The following CSMD1 variants were observed in gnomAD, a reference collection of about 807,000 sequenced individuals.
The protein encoded by CSMD1 is CUB and sushi domain-containing protein 1.
A neutral mutation model predicts 417.5 loss-of-function variants in CSMD1; 213 were observed. The ratio of observed to expected loss-of-function variants is 0.51; its 90% CI spans 0.46 to 0.57. The LOEUF (loss-of-function observed/expected upper bound fraction) is 0.57, where lower values mean the gene tolerates loss of function less well. Ranked by LOEUF, CSMD1 falls within the 20% of genes least tolerant of loss-of-function variation. The pLI is 0.00. For synonymous variants in CSMD1, 2,862 were observed against 1,736.8 expected (o/e 1.65, Z -16.11); for missense variants, 6,923 against 4,529.7 (o/e 1.53, Z -15.17).
At chr8:3,683,316 A>C (rs115614378) in intron 7 of CSMD1, among the ~76,000 whole-genome samples, 2,472 of 152,260 alleles carry the variant, frequency 0.016, 61 homozygotes, top group African/African-American at 0.056. Flanking sequence ...GTCAAGGCAA[A>C]GTTCTTTCAT....
intron 3 of CSMD1, among the ~76,000 whole-genome samples, chr8:4,270,209 A>G (rs1804497919): frequency 6.6e-6 from 1 of 152,192 alleles, no homozygotes; most frequent in Non-Finnish European, 1.5e-5. Context: ...CGTGTTTCCT[A>G]CGGTGCAAAT....
chr8:3,646,255 C>T (rs1276593400), intron 7 of CSMD1, among the ~76,000 whole-genome samples: 4 of 152,040 alleles, frequency 2.6e-5, no homozygotes, highest in Non-Finnish European at 4.4e-5. Flanking sequence ...ACGTGATATG[C>T]TGAGATGTTA....
chr8:4,203,127 T>G (rs1166938878), intron 3 of CSMD1, among the ~76,000 whole-genome samples: 2 of 152,208 alleles, frequency 1.3e-5, no homozygotes, highest in Non-Finnish European at 2.9e-5. Flanking sequence ...TAACATTTCT[T>G]AAAAGCTGAA....
chr8:4,623,390 T>G (rs1322106454), intron 2 of CSMD1, among the ~76,000 whole-genome samples: 1 of 152,164 alleles, frequency 6.6e-6, no homozygotes, highest in Admixed American at 6.5e-5. Context: ...GGTGGGAATT[T>G]AAAATGGGAC....
At chr8:3,584,179 G>C (rs1800502291) in intron 9 of CSMD1, among the ~76,000 whole-genome samples, 1 of 152,102 alleles carries the variant, frequency 6.6e-6, no homozygotes, top group South Asian at 2.1e-4. Flanking sequence ...ATTCAATGTT[G>C]ATCAAAGTAT....
At chr8:4,945,482 C>T (rs1225610225) in intron 1 of CSMD1, among the ~76,000 whole-genome samples, 1 of 147,652 alleles carries the variant, frequency 6.8e-6, no homozygotes, top group South Asian at 2.1e-4. Flanking sequence ...ATTACTTGAG[C>T]CCAAGAGTTT....
intron 1 of CSMD1, among the ~76,000 whole-genome samples, chr8:4,854,530 C>G (rs866143915): frequency 9.9e-5 from 15 of 152,166 alleles, no homozygotes; most frequent in African/African-American, 3.6e-4. Context: ...GAGTGCCAGA[C>G]AGTGGGTGCA....
chr8:4,702,128 A>G (rs1037606259), intron 1 of CSMD1, among the ~76,000 whole-genome samples: 7 of 152,212 alleles, frequency 4.6e-5, no homozygotes, highest in African/African-American at 1.7e-4. Flanking sequence ...GGGCGAAGGT[A>G]GAGCACTAGG....
chr8:3,358,542 T>G (rs1247607745), intron 21 of CSMD1, among the ~76,000 whole-genome samples: 2 of 152,158 alleles, frequency 1.3e-5, no homozygotes, highest in Non-Finnish European at 2.9e-5. Context: ...GCAAGCCAAT[T>G]CCTGCATGTG....
At chr8:3,582,024 A>T (rs1800404116) in intron 9 of CSMD1, among the ~76,000 whole-genome samples, 1 of 152,104 alleles carries the variant, frequency 6.6e-6, no homozygotes, top group South Asian at 2.1e-4. Context: ...TGAACTCCTG[A>T]CCTCAGGTGA....
At chr8:4,983,688 A>G (rs1165117015) in intron 1 of CSMD1, among the ~76,000 whole-genome samples, 1 of 151,990 alleles carries the variant, frequency 6.6e-6, no homozygotes, top group African/African-American at 2.4e-5. Context: ...ACACCCAGCT[A>G]ATTTTTTTTT....
At chr8:4,212,544 T>C (rs1049118742) in intron 3 of CSMD1, among the ~76,000 whole-genome samples, 1 of 150,642 alleles carries the variant, frequency 6.6e-6, no homozygotes, top group Non-Finnish European at 1.5e-5. Flanking sequence ...ATTTGTAGCC[T>C]TTTTTTTTCT....
chr8:4,376,295 A>G (rs907607186), intron 3 of CSMD1, among the ~76,000 whole-genome samples: 2 of 152,206 alleles, frequency 1.3e-5, no homozygotes, highest in African/African-American at 2.4e-5. Context: ...GCCATTGTAG[A>G]AAATTTAGAA....
At chr8:3,450,874 C>G (rs1006576631) in intron 12 of CSMD1, among the ~76,000 whole-genome samples, 3 of 151,566 alleles carry the variant, frequency 2.0e-5, no homozygotes, top group African/African-American at 4.9e-5. Flanking sequence ...GTTCTAGATC[C>G]CTGAGGAATC....
intron 1 of CSMD1, among the ~76,000 whole-genome samples, chr8:4,863,273 T>C (rs1802239469): frequency 6.6e-6 from 1 of 152,144 alleles, no homozygotes; most frequent in South Asian, 2.1e-4. Context: ...ATATACAAAT[T>C]TTTAGAACGG....
At chr8:4,472,594 G>C (rs1318198602) in intron 2 of CSMD1, among the ~76,000 whole-genome samples, 1 of 151,922 alleles carries the variant, frequency 6.6e-6, no homozygotes, top group Non-Finnish European at 1.5e-5. Context: ...ACTTTGAAAA[G>C]TTAAAATATT....
rs376164966 is a variant in CSMD1, at chr8:4,399,936, A to C, written c.415+20017T>G. Among the ~76,000 whole-genome samples the C allele has an allele frequency of 2.6e-5, 4 of 152,238 alleles. No individual in the cohort carries two copies. The East Asian group carries it at 5.8e-4, about 22-fold the overall frequency. On this transcript the variant is annotated intron_variant, in intron 3 of 69. Transcript: ENST00000635120. ...GTAAAAGGTTGGCTTTTTTCTCCAG[A>C]CCTCATCTAGGGCTCTCTGGACCAA... is the stretch of plus-strand genomic sequence containing the variant.
intron 3 of CSMD1, among the ~76,000 whole-genome samples, chr8:4,305,757 G>A (rs761606115): frequency 5.3e-5 from 8 of 152,080 alleles, no homozygotes; most frequent in African/African-American, 1.7e-4. Flanking sequence ...AGACACTACT[G>A]ATCTGTATTT....
intron 7 of CSMD1, among the ~76,000 whole-genome samples, chr8:3,658,595 C>G (rs1275136766): frequency 6.6e-6 from 1 of 151,682 alleles, no homozygotes; most frequent in African/African-American, 2.4e-5. Context: ...CCAGCTTGGC[C>G]AACATGACAA....
Sources: gnomAD v4.1 joint callset for allele counts (sites outside exome capture counted in the v4.1 genomes callset) on GRCh38, gnomAD v4.1.1 for gene constraint, MANE v1.5 for transcripts, NCBI Gene and HGNC (gene_info 2026-07-23, HGNC 2026-07-21) for gene names.